The following CTXN2 variants were observed in gnomAD, a reference collection of about 807,000 sequenced individuals.
The protein encoded by CTXN2 is cortexin 2, also known as cortexin-2.
Under a neutral mutation model 5.7 loss-of-function variants are expected in CTXN2, and 3 were observed. The observed-to-expected ratio is 0.53, with a 90% CI of 0.24 to 1.36. The LOEUF (loss-of-function observed/expected upper bound fraction) is 1.36. Ranked by LOEUF, CTXN2 falls within the 40% of genes most tolerant of loss-of-function variation. The pLI, the probability that CTXN2 is intolerant of heterozygous loss-of-function variation, is 0.17. For synonymous variants in CTXN2, 38 were observed against 36.4 expected, an observed-to-expected ratio of 1.04 and a Z score of -0.16; for missense variants, 87 against 93.0, an observed-to-expected ratio of 0.94 and a Z score of 0.26.
upstream of CTXN2, chr15:48,191,645 G>T (rs925063924): frequency 1.8e-5 from 8 of 445,468 alleles, no homozygotes; most frequent in South Asian, 1.1e-4. Flanking sequence ...CACGTACTTC[G>T]GCGGGCGCCC....
At chr15:48,191,070 G>C (rs892960553), upstream of CTXN2, 1 of 152,380 alleles carries the variant, frequency 6.6e-6, no homozygotes, top group African/African-American at 2.4e-5. Flanking sequence ...TCCTAGAAAC[G>C]GAAGGGGATT....
rs1403380591 is a variant in CTXN2, at chr15:48,203,754, CAA to C, written c.*2211_*2212del. 1 of 164,864 alleles carries C rather than the reference CAA, an allele frequency of 6.1e-6. No individual in the cohort carries two copies. Among genetic ancestry groups the C allele is most frequent in the African/African-American group, 2.4e-5 (1 of 41,210 alleles). 10.2% of individuals were successfully genotyped at this position (164,864 alleles called of 1,614,324 possible). ...TCCACTAAAGAAAAATTCTATTAACCAAAAGTGTCTTCATCTGTGGTTTTTAT... is the reference window on the plus strand; with the variant it reads ...TCCACTAAAGAAAAATTCTATTAACCAAGTGTCTTCATCTGTGGTTTTTAT... On this transcript the variant is annotated 3_prime_UTR_variant, in exon 2 of 2. Coordinates refer to ENST00000417307, the MANE Select transcript of CTXN2 (RefSeq NM_001145668.2).
rs983294387 is a variant in CTXN2, at chr15:48,201,924, C to T, written c.*378C>T. 1 of 225,208 alleles carries T rather than the reference C, an allele frequency of 4.4e-6. No individual in the cohort carries two copies. The highest frequency in any genetic ancestry group is 5.2e-5 in the Admixed American group (1 of 19,150). The allele number at this position is 225,208 out of a possible 1,614,324, so 14.0% of individuals were successfully genotyped here. A position where few individuals can be genotyped will look rare whatever the true frequency, so the allele number is the denominator to read the frequency against. ...CCCTCCACATTCCTGACTCAGACCC[C>T]TTTAGCTTTAGTGAGTCAGGTCTTA... On this transcript the variant is annotated 3_prime_UTR_variant, in exon 2 of 2. Coordinates refer to ENST00000417307, the MANE Select transcript of CTXN2 (RefSeq NM_001145668.2).
chr15:48,188,974 C>T (rs755492126), upstream of CTXN2: 2 of 152,150 alleles, frequency 1.3e-5, no homozygotes, highest in African/African-American at 2.4e-5. Context: ...CGTATCTCCT[C>T]GAGGGCAGAG....
Position 48,201,514 on chromosome 15 carries a change from G to A in CTXN2, c.214G>A (p.Asp72Asn). 6.4e-7 allele frequency: 1 copy of A among 1,551,216 alleles called. No individual in the cohort carries two copies. ...STWEDEVEEF[D>N]KGTFEYALA Reference sequence around the variant, plus strand: ...ATGGGAAGATGAAGTTGAAGAGTTTGATAAAGGGACATTTGAATATGCACT... The same window carrying A: ...ATGGGAAGATGAAGTTGAAGAGTTTAATAAAGGGACATTTGAATATGCACT... The change falls in exon 2 of 2, where the codon GAT (aspartate) becomes AAT (asparagine). Residue 72 changes from aspartate (D) to asparagine (N), a missense_variant. By Grantham distance (23) the Asp-to-Asn change is conservative. Transcript: ENST00000417307.
chr15:48,180,234 G>T (rs773810983), intron 1 of CTXN2, among the ~76,000 whole-genome samples: 14 of 152,132 alleles, frequency 9.2e-5, no homozygotes, highest in Non-Finnish European at 1.6e-4. Flanking sequence ...GCTGTAGCTT[G>T]GTTCTAGTCC....
At chr15:48,181,597 G>A (rs1567288064) in intron 1 of CTXN2, among the ~76,000 whole-genome samples, 1 of 151,840 alleles carries the variant, frequency 6.6e-6, no homozygotes, top group African/African-American at 2.4e-5. Flanking sequence ...AAGTTTTAGG[G>A]ATAATAATAA....
At position 48,201,719 on chromosome 15, in the gene CTXN2, T is replaced by C. The variant is rs138603735; in HGVS notation, c.*173T>C. 4,163 of 686,202 alleles carry C rather than the reference T, an allele frequency of 6.1e-3. 20 individuals are homozygous for C. Among genetic ancestry groups the C allele is most frequent in the Non-Finnish European group, 8.0e-3 (3,220 of 404,516 alleles). The allele number at this position is 686,202 out of a possible 1,614,324, so 42.5% of individuals were successfully genotyped here. ...AATGATAAACTATTGTTGGGATTCC[T>C]CACTTTCCTCTGTTCCCACTTAGAG... On this transcript the variant is annotated 3_prime_UTR_variant, in exon 2 of 2. Transcript: ENST00000417307.
Position 48,201,483 on chromosome 15 carries a change from C to T in CTXN2, c.183C>T (p.Ser61=), listed in dbSNP as rs1367994332. 16 of 1,551,000 alleles carry T rather than the reference C, an allele frequency of 1.0e-5. No homozygotes were observed. The East Asian group carries it at 2.2e-4, about 21-fold the overall frequency. The change falls in exon 2 of 2, where the codon TCC becomes TCT. Residue 61 remains serine (S), a synonymous_variant. Transcript: ENST00000417307. ...ILLDPYSSMP[S]STWEDEVEEF... is the part of the protein sequence containing the mutation. ...TAGACCCATATAGTAGCATGCCTTC[C>T]TCTACATGGGAAGATGAAGTTGAAG...
At chr15:48,194,465 T>C (rs2040858697) in intron 1 of CTXN2, among the ~76,000 whole-genome samples, 1 of 152,182 alleles carries the variant, frequency 6.6e-6, no homozygotes, top group Non-Finnish European at 1.5e-5. Flanking sequence ...GACTCTCAAC[T>C]AAATTTTTAT....
rs2040940642 is a variant in CTXN2 at position 48,203,022 on chromosome 15, T to C, written c.*1476T>C. The C allele has an allele frequency of 1.8e-5, 3 of 166,936 alleles. 1 individual carries two copies. The South Asian group carries it at 6.2e-4, about 35-fold the overall frequency. 10.3% of individuals were successfully genotyped at this position (166,936 alleles called of 1,614,324 possible). On this transcript the variant is annotated 3_prime_UTR_variant, in exon 2 of 2. Transcript: ENST00000417307. ...ATTTATTTGATACTCTTATAAATTC[T>C]TTGAGTTGGAGACTACTATTTCCAT...
upstream of CTXN2, among the ~76,000 whole-genome samples, chr15:48,186,958 C>T (rs188074518): frequency 2.0e-5 from 3 of 149,262 alleles, no homozygotes; most frequent in Admixed American, 6.7e-5. Context: ...TTCAATACTT[C>T]GTTGTAAAAC....
At chr15:48,199,589 C>A (rs1196903782) in intron 1 of CTXN2, among the ~76,000 whole-genome samples, 1 of 152,146 alleles carries the variant, frequency 6.6e-6, no homozygotes, top group East Asian at 1.9e-4. Context: ...GTATATGGAT[C>A]TTAACAAATG....
chr15:48,179,953 C>T (rs1390181667), intron 1 of CTXN2, among the ~76,000 whole-genome samples: 1 of 152,042 alleles, frequency 6.6e-6, no homozygotes, highest in Non-Finnish European at 1.5e-5. Context: ...CAACTCAATG[C>T]AAGATTTTTT....
intron 1 of CTXN2, among the ~76,000 whole-genome samples, chr15:48,183,323 A>T (rs1384993506): frequency 1.3e-5 from 2 of 152,196 alleles, no homozygotes; most frequent in Non-Finnish European, 2.9e-5. Flanking sequence ...CAACTTACAA[A>T]CTGAGAGATC....
In CTXN2 at chr15:48,201,567, T is replaced by C. The variant is rs1323933345; in HGVS notation, c.*21T>C. 4 of 1,549,352 alleles carry C rather than the reference T, an allele frequency of 2.6e-6. No homozygotes were observed. Among genetic ancestry groups the C allele is most frequent in the Non-Finnish European group, 2.6e-6 (3 of 1,145,348 alleles). ...CGTGAGAGTTCCAGCTATATGGTTT[T>C]TATGGTTGTGCCATCGGGACACATT... On this transcript the variant is annotated 3_prime_UTR_variant, in exon 2 of 2. Transcript: ENST00000417307.
rs185805216 is a variant in CTXN2 at position 48,201,171 on chromosome 15, A to C, written c.-57-73A>C. 2.0e-3 allele frequency: 1,774 copies of C among 892,462 alleles called. 53 individuals carry two copies. The Admixed American group carries it at 0.044, about 22-fold the overall frequency. 55.3% of individuals were successfully genotyped at this position (892,462 alleles called of 1,614,324 possible). A position where few individuals can be genotyped will look rare whatever the true frequency, so the allele number is the denominator to read the frequency against. On this transcript the variant is annotated intron_variant, in intron 1 of 1. Coordinates refer to ENST00000417307, the MANE Select transcript of CTXN2 (RefSeq NM_001145668.2). Reference sequence around the variant, plus strand: ...AAGTCAAGAAGGTTTGAAAAACGTCAGATTTTATTAAGCAACAACCTACCC... The same window carrying C: ...AAGTCAAGAAGGTTTGAAAAACGTCCGATTTTATTAAGCAACAACCTACCC...
intron 1 of CTXN2, among the ~76,000 whole-genome samples, chr15:48,184,560 A>T (rs931051805): frequency 2.6e-5 from 4 of 152,186 alleles, no homozygotes; most frequent in African/African-American, 9.6e-5. Flanking sequence ...TTAACATCAG[A>T]TGTACTGGGG....
chr15:48,179,967 GA>G, intron 1 of CTXN2, among the ~76,000 whole-genome samples: 1 of 151,942 alleles, frequency 6.6e-6, no homozygotes, highest in Non-Finnish European at 1.5e-5. Flanking sequence ...ATTTTTTTAA[GA>G]GGCCTTTATG....
Sources: allele counts gnomAD v4.1 joint callset (sites outside exome capture counted in the v4.1 genomes callset), GRCh38; gene constraint gnomAD v4.1.1; transcripts MANE v1.5; gene names NCBI Gene and HGNC (gene_info 2026-07-23, HGNC 2026-07-21).